RASA1: variants seen among roughly 807,000 people sequenced by gnomAD.
RASA1 encodes the protein ras GTPase-activating protein 1.
In RASA1, 25 loss-of-function variants were observed where a neutral mutation model predicts 132.2. That is an observed-to-expected ratio of 0.19 (90% CI 0.14 to 0.26). The LOEUF (loss-of-function observed/expected upper bound fraction) is 0.26. Among genes scored for constraint, RASA1 ranks in the 10% least tolerant of loss-of-function variants. The probability of loss-of-function intolerance (pLI) is 1.00; values close to 1 mark genes in which losing one functional copy is unlikely to be tolerated. For synonymous variants in RASA1, 477 were observed against 449.9 expected, an observed-to-expected ratio of 1.06 and a Z score of -0.76; for missense variants, 964 against 1,299.2, an observed-to-expected ratio of 0.74 and a Z score of 3.97.
chr5:87,293,507 G>C (rs1012355899), intron 1 of RASA1, among the ~76,000 whole-genome samples: 2 of 152,046 alleles, frequency 1.3e-5, no homozygotes, highest in Non-Finnish European at 2.9e-5. Context: ...GAGGATGTTC[G>C]CATCTATGTT....
At chr5:87,285,618 C>CT (rs548410947) in intron 1 of RASA1, among the ~76,000 whole-genome samples, 4,641 of 126,006 alleles carry the variant, frequency 0.037, 217 homozygotes, top group African/African-American at 0.11. Flanking sequence ...TTTTCTTTTT[C>CT]TTTTTTTTTT....
At chr5:87,331,581 G>A (rs1452650044) in intron 2 of RASA1, 81 bp downstream of exon 2, 5 of 1,460,788 alleles carry the variant, frequency 3.4e-6, no homozygotes, top group Non-Finnish European at 4.8e-6. Context: ...TATAATAAAG[G>A]TGAATGACTC....
intron 1 of RASA1, among the ~76,000 whole-genome samples, chr5:87,272,427 C>T (rs1355974509): frequency 1.3e-5 from 2 of 152,126 alleles, no homozygotes; most frequent in Non-Finnish European, 1.5e-5. Context: ...TGAAGTTAGA[C>T]AAGATTTGGG....
At chr5:87,388,750 G>T (rs987452346) in intron 23 of RASA1, among the ~76,000 whole-genome samples, 1 of 152,136 alleles carries the variant, frequency 6.6e-6, no homozygotes, top group African/African-American at 2.4e-5. Flanking sequence ...TCATAGTGCA[G>T]TTCCTACTTA....
intron 1 of RASA1, among the ~76,000 whole-genome samples, chr5:87,295,597 C>T (rs1405765587): frequency 1.3e-5 from 2 of 152,078 alleles, no homozygotes; most frequent in Admixed American, 6.6e-5. Flanking sequence ...CTCCATCTCC[C>T]TGGCTCAAGT....
rs1446629685 is a variant in RASA1 at position 87,268,091 on chromosome 5, C to T, written c.-361C>T. Reference sequence around the variant, plus strand: ...GAAGCGGTGGTGGCGGCTGAAGGAGCGGTAGCAGCCTCAGCCTCTTTCCCT... The same window carrying T: ...GAAGCGGTGGTGGCGGCTGAAGGAGTGGTAGCAGCCTCAGCCTCTTTCCCT... On this transcript the variant is annotated 5_prime_UTR_variant, in exon 1 of 25. Transcript: ENST00000274376. 11 of 409,464 alleles carry T rather than the reference C, an allele frequency of 2.7e-5. No individual in the cohort carries two copies. The highest frequency in any genetic ancestry group is 2.3e-4 in the African/African-American group (11 of 48,602). 25.4% of individuals were successfully genotyped at this position (409,464 alleles called of 1,614,324 possible).
chr5:87,350,077 C>T (rs938805807), intron 8 of RASA1, among the ~76,000 whole-genome samples: 1 of 151,730 alleles, frequency 6.6e-6, no homozygotes, highest in African/African-American at 2.4e-5. Context: ...CCCTCAGTAC[C>T]ACAGCAGTAT....
intron 11 of RASA1, among the ~76,000 whole-genome samples, chr5:87,369,548 TTATTTC>T (rs1174859359): frequency 6.6e-6 from 1 of 152,144 alleles, no homozygotes; most frequent in Non-Finnish European, 1.5e-5. Flanking sequence ...GTTTGTAACT[TTATTTC>T]TAATGTATTT....
At chr5:87,374,701 G>A (rs1046031045) in intron 14 of RASA1, 139 bp from the exon 15 acceptor site, 2 of 1,218,196 alleles carry the variant, frequency 1.6e-6, no homozygotes, top group African/African-American at 1.5e-5. Context: ...AAAATATGTT[G>A]TGAATCTGGT....
At chr5:87,315,591 C>T (rs1756267346) in intron 1 of RASA1, among the ~76,000 whole-genome samples, 1 of 152,162 alleles carries the variant, frequency 6.6e-6, no homozygotes, top group Admixed American at 6.5e-5. Context: ...AGTGTGCTAT[C>T]TTTTGGGTTT....
chr5:87,386,359 G>C (rs759557507), intron 22 of RASA1, among the ~76,000 whole-genome samples: 11 of 152,036 alleles, frequency 7.2e-5, no homozygotes, highest in African/African-American at 1.4e-4. Flanking sequence ...GAATTCATCT[G>C]AATCTTTGAG....
At chr5:87,363,253 T>C (rs1178904169) in intron 10 of RASA1, 95 bp from the exon 11 acceptor site, 9 of 1,145,772 alleles carry the variant, frequency 7.9e-6, no homozygotes, top group Non-Finnish European at 1.1e-5. Flanking sequence ...GGAATAAAAA[T>C]TGATTGATTC....
chr5:87,324,066 C>T (rs912623753), intron 1 of RASA1, among the ~76,000 whole-genome samples: 2 of 152,124 alleles, frequency 1.3e-5, no homozygotes, highest in Non-Finnish European at 2.9e-5. Flanking sequence ...AAATAAGAGA[C>T]AATGTTAGAC....
rs1326511207 is a variant in RASA1 at position 87,304,968 on chromosome 5, A to C, written c.540-26380A>C. 2.3e-5 allele frequency among the ~76,000 whole-genome samples: 3 copies of C among 131,518 alleles called. No homozygotes were observed. The Admixed American group carries it at 2.4e-4, about 10-fold the overall frequency. 86.3% of individuals were successfully genotyped at this position (131,518 alleles called of 152,430 possible). On this transcript the variant is annotated intron_variant, in intron 1 of 24. Coordinates refer to ENST00000274376, the MANE Select transcript of RASA1 (RefSeq NM_002890.3). ...TTTTTTTTTTTTTTTTTTTTGGTAA[A>C]CGTCAGTTGTCAAATATACTTTGTA...
intron 7 of RASA1, 63 bp from the exon 8 acceptor site, chr5:87,349,151 T>C (rs1240702358): frequency 6.4e-7 from 1 of 1,565,070 alleles, no homozygotes; most frequent in Non-Finnish European, 8.8e-7. Flanking sequence ...GTAATAATAC[T>C]ACTTAACATC....
chr5:87,342,254 G>T (rs1003332554), intron 6 of RASA1, among the ~76,000 whole-genome samples: 1 of 151,638 alleles, frequency 6.6e-6, no homozygotes, highest in Non-Finnish European at 1.5e-5. Flanking sequence ...CTGCCTCCTG[G>T]ATTCAAACGA....
intron 4 of RASA1, among the ~76,000 whole-genome samples, chr5:87,334,893 T>C (rs1039701403): frequency 1.3e-5 from 2 of 152,214 alleles, no homozygotes; most frequent in African/African-American, 4.8e-5. Flanking sequence ...TTGTTCCTTT[T>C]TTTTTTTTGA....
At chr5:87,346,615 C>CAT (rs1293695199) in intron 6 of RASA1, 57 bp from the exon 7 acceptor site, 5 of 1,105,484 alleles carry the variant, frequency 4.5e-6, no homozygotes, top group Non-Finnish European at 5.4e-6. Flanking sequence ...TAATTTTGAT[C>CAT]ATATGATAAC....
In RASA1 at chr5:87,367,907, T is replaced by C. The variant is rs1269193573; in HGVS notation, c.1611-1906T>C. 1.2e-4 allele frequency among the ~76,000 whole-genome samples: 18 copies of C among 152,278 alleles called. No homozygotes were observed. The South Asian group carries it at 3.3e-3, about 28-fold the overall frequency. ...AGAGGTAATGTATCTCACACAACTT[T>C]CTCTGGATGCTTTGAGATTTTTCCT... On this transcript the variant is annotated intron_variant, in intron 11 of 24. Coordinates refer to ENST00000274376, the MANE Select transcript of RASA1 (RefSeq NM_002890.3).
Sources: allele counts gnomAD v4.1 joint callset (sites outside exome capture counted in the v4.1 genomes callset), GRCh38; gene constraint gnomAD v4.1.1; transcripts MANE v1.5; gene names NCBI Gene and HGNC (gene_info 2026-07-23, HGNC 2026-07-21).